Variants in NALCN observed in about 807,000 individuals in gnomAD.
NALCN encodes the protein sodium leak channel NALCN.
A neutral mutation model predicts 225.3 loss-of-function variants in NALCN; 111 were observed. The ratio of observed to expected loss-of-function variants is 0.49; its 90% CI spans 0.42 to 0.58. The LOEUF is 0.58. NALCN is among the 20% of genes least tolerant of loss of function. NALCN has a pLI of 0.00. For synonymous variants in NALCN, 764 were observed against 769.0 expected (o/e 0.99, Z 0.11); for missense variants, 1,378 against 2,202.4 (o/e 0.63, Z 7.49).
intron 13 of NALCN, among the ~76,000 whole-genome samples, chr13:101,208,072 G>A (rs193056755): frequency 1.3e-5 from 2 of 151,584 alleles, no homozygotes; most frequent in Admixed American, 6.6e-5. Context: ...CCACCAGGAG[G>A]GACAAACAAC....
At chr13:101,416,701 C>G (rs939543502), upstream of NALCN, among the ~76,000 whole-genome samples, 3 of 152,134 alleles carry the variant, frequency 2.0e-5, no homozygotes, top group African/African-American at 7.2e-5. Context: ...ACTGGCAGTT[C>G]CTTCTTGCCG....
At chr13:101,153,045 T>A (rs1270462045) in intron 15 of NALCN, among the ~76,000 whole-genome samples, 1 of 151,958 alleles carries the variant, frequency 6.6e-6, no homozygotes. Context: ...TACACTCCCA[T>A]GTAATTTTTC....
chr13:101,097,917 A>G (rs1027030879), intron 27 of NALCN, among the ~76,000 whole-genome samples: 1 of 152,176 alleles, frequency 6.6e-6, no homozygotes, highest in African/African-American at 2.4e-5. Flanking sequence ...AGGTAATCTA[A>G]TCTTCATAAT....
At chr13:101,234,436 T>C (rs770349000) in intron 12 of NALCN, among the ~76,000 whole-genome samples, 23 of 152,192 alleles carry the variant, frequency 1.5e-4, no homozygotes, top group Admixed American at 8.5e-4. Context: ...AAATATGAAA[T>C]TGTCTAAGGA....
chr13:101,193,757 T>C (rs2039778597), intron 13 of NALCN, among the ~76,000 whole-genome samples: 1 of 152,224 alleles, frequency 6.6e-6, no homozygotes, highest in Non-Finnish European at 1.5e-5. Context: ...TCAGAACTCA[T>C]CATTGAGGGC....
intron 43 of NALCN, chr13:101,057,078 C>T (rs2031357546): frequency 6.6e-6 from 1 of 152,254 alleles, no homozygotes; most frequent in Non-Finnish European, 1.5e-5. Context: ...GCTGTGCTGT[C>T]ATCTGCTTTG....
At chr13:101,159,910 A>C (rs555825723) in intron 15 of NALCN, among the ~76,000 whole-genome samples, 1 of 152,156 alleles carries the variant, frequency 6.6e-6, no homozygotes, top group Non-Finnish European at 1.5e-5. Flanking sequence ...TCTCTTTGTT[A>C]GTGAGAGAGA....
At chr13:101,151,323 T>G (rs775957746) in intron 15 of NALCN, among the ~76,000 whole-genome samples, 12 of 152,222 alleles carry the variant, frequency 7.9e-5, no homozygotes, top group Non-Finnish European at 1.2e-4. Context: ...ATTATTCAGT[T>G]TCAGTTCCTT....
chr13:101,406,868 C>G (rs1417296272), intron 1 of NALCN, among the ~76,000 whole-genome samples: 1 of 152,058 alleles, frequency 6.6e-6, no homozygotes, highest in Non-Finnish European at 1.5e-5. Context: ...AATCTCACCC[C>G]ATGTAGTGAA....
intron 1 of NALCN, among the ~76,000 whole-genome samples, chr13:101,403,397 CT>C (rs1375712103): frequency 1.3e-5 from 2 of 152,186 alleles, no homozygotes; most frequent in Non-Finnish European, 2.9e-5. Flanking sequence ...ATCCTGCAAC[CT>C]TTACTCAACT....
Position 101,060,995 on chromosome 13 carries a change from G to A in NALCN, c.4755+973C>T, listed in dbSNP as rs560115840. 7.2e-5 allele frequency among the ~76,000 whole-genome samples: 11 copies of A among 152,306 alleles called. No individual in the cohort carries two copies. In the South Asian group the frequency reaches 1.9e-3, roughly 26 times the overall value. On this transcript the variant is annotated intron_variant, in intron 41 of 43. Transcript: ENST00000251127. Reference sequence around the variant, plus strand: ...AGAAATACATGTGTCTGCAATTGACGTTGTTGCTCTGAGGAAGAGGATTGA... The same window carrying A: ...AGAAATACATGTGTCTGCAATTGACATTGTTGCTCTGAGGAAGAGGATTGA...
At chr13:101,380,088 T>C (rs1344943539) in intron 3 of NALCN, among the ~76,000 whole-genome samples, 1 of 151,968 alleles carries the variant, frequency 6.6e-6, no homozygotes, top group Non-Finnish European at 1.5e-5. Flanking sequence ...TATACACATA[T>C]ATACATTTTT....
At chr13:101,345,095 G>A (rs543001821) in intron 7 of NALCN, among the ~76,000 whole-genome samples, 171 bp downstream of exon 7, 10 of 152,256 alleles carry the variant, frequency 6.6e-5, no homozygotes, top group South Asian at 4.1e-4. Context: ...TGTATGCTAC[G>A]CACTGTCGGG....
chr13:101,217,600 T>G (rs1039639710), intron 13 of NALCN, among the ~76,000 whole-genome samples: 5 of 152,176 alleles, frequency 3.3e-5, no homozygotes, highest in African/African-American at 1.2e-4. Context: ...TTACTGATGC[T>G]TACAGATCCC....
chr13:101,327,833 T>C (rs187044160), intron 7 of NALCN, among the ~76,000 whole-genome samples: 3 of 152,150 alleles, frequency 2.0e-5, no homozygotes, highest in African/African-American at 4.8e-5. Flanking sequence ...AAAAGAAGCT[T>C]GGGCTGAGTG....
intron 27 of NALCN, among the ~76,000 whole-genome samples, chr13:101,096,969 C>T (rs2034542025): frequency 6.6e-6 from 1 of 152,144 alleles, no homozygotes. Flanking sequence ...AGCCATGTCT[C>T]CTCTTGGCCT....
At chr13:101,058,657 C>T (rs2031554440) in intron 42 of NALCN, 1 of 112,570 alleles carries the variant, frequency 8.9e-6, no homozygotes, top group Admixed American at 8.2e-5. Flanking sequence ...TCTTTAGTAT[C>T]CTTTTTTTTT....
intron 10 of NALCN, among the ~76,000 whole-genome samples, chr13:101,279,363 A>G (rs2043070598): frequency 6.6e-6 from 1 of 152,254 alleles, no homozygotes; most frequent in African/African-American, 2.4e-5. Context: ...GCATAAATGC[A>G]GGAGTCTGAG....
intron 13 of NALCN, among the ~76,000 whole-genome samples, chr13:101,205,166 T>G (rs1461498349): frequency 1.3e-5 from 2 of 152,112 alleles, no homozygotes; most frequent in Non-Finnish European, 2.9e-5. Context: ...AGAACATACA[T>G]GCATATTCTC....
Sources: gnomAD v4.1 joint callset for allele counts (sites outside exome capture counted in the v4.1 genomes callset) on GRCh38, gnomAD v4.1.1 for gene constraint, MANE v1.5 for transcripts, NCBI Gene and HGNC (gene_info 2026-07-23, HGNC 2026-07-21) for gene names.